CSMD3: variants seen among roughly 807,000 people sequenced by gnomAD.
CSMD3 encodes CUB and Sushi multiple domains 3.
A neutral mutation model predicts 435.2 loss-of-function variants in CSMD3; 177 were observed. The ratio of observed to expected loss-of-function variants is 0.41; its 90% CI spans 0.36 to 0.46. The LOEUF (loss-of-function observed/expected upper bound fraction) is 0.46. CSMD3 is among the 20% of genes least tolerant of loss of function. CSMD3 has a pLI of 0.34. For synonymous variants in CSMD3, 1,656 were observed against 1,520.5 expected (o/e 1.09, Z -2.07); for missense variants, 4,265 against 4,504.6 (o/e 0.95, Z 1.52).
At chr8:112,552,434 C>A (rs1003441560) in intron 26 of CSMD3, among the ~76,000 whole-genome samples, 160 bp downstream of exon 26, 1 of 151,936 alleles carries the variant, frequency 6.6e-6, no homozygotes, top group African/African-American at 2.4e-5. Flanking sequence ...TGCAGTGAGC[C>A]GAGATCGAGC....
chr8:112,252,844 A>G (rs776151256), intron 63 of CSMD3, among the ~76,000 whole-genome samples: 37 of 151,516 alleles, frequency 2.4e-4, no homozygotes, highest in Non-Finnish European at 4.1e-4. Context: ...TAGTCTATTT[A>G]TATTTATTCA....
chr8:113,345,224 C>T (rs2094144365), intron 1 of CSMD3, among the ~76,000 whole-genome samples: 1 of 152,046 alleles, frequency 6.6e-6, no homozygotes, highest in Non-Finnish European at 1.5e-5. Context: ...TTTAATATTA[C>T]ATTCAAGAGA....
intron 3 of CSMD3, among the ~76,000 whole-genome samples, chr8:113,267,602 G>A (rs1377978859): frequency 6.6e-6 from 1 of 151,484 alleles, no homozygotes. Flanking sequence ...GGGTGAATGG[G>A]GAAGAAGGGG....
intron 18 of CSMD3, among the ~76,000 whole-genome samples, chr8:112,654,962 A>T (rs971452092): frequency 1.4e-4 from 21 of 152,198 alleles, no homozygotes; most frequent in African/African-American, 5.1e-4. Flanking sequence ...AATATCAGTT[A>T]AGGCACTTTA....
intron 10 of CSMD3, among the ~76,000 whole-genome samples, chr8:112,902,316 G>A (rs1486470228): frequency 6.6e-6 from 1 of 151,140 alleles, no homozygotes; most frequent in Non-Finnish European, 1.5e-5. Flanking sequence ...TCAAAGGGTA[G>A]GTCAACTTGG....
intron 35 of CSMD3, among the ~76,000 whole-genome samples, chr8:112,401,716 T>C (rs1340649953): frequency 1.3e-5 from 2 of 152,144 alleles, no homozygotes; most frequent in Non-Finnish European, 2.9e-5. Context: ...AATAAAGATT[T>C]ACTAGTATTT....
intron 9 of CSMD3, among the ~76,000 whole-genome samples, chr8:112,924,715 G>A (rs2082857866): frequency 6.6e-6 from 1 of 151,904 alleles, no homozygotes; most frequent in South Asian, 2.1e-4. Context: ...TTCCCCTACA[G>A]ATTAGCCATC....
intron 10 of CSMD3, among the ~76,000 whole-genome samples, chr8:112,870,984 C>T (rs2081120308): frequency 6.6e-6 from 1 of 152,112 alleles, no homozygotes; most frequent in African/African-American, 2.4e-5. Flanking sequence ...CCAGTAATTT[C>T]GGAGTTTTTC....
At chr8:112,424,379 C>A (rs1455039685) in intron 32 of CSMD3, among the ~76,000 whole-genome samples, 1 of 152,108 alleles carries the variant, frequency 6.6e-6, no homozygotes, top group Non-Finnish European at 1.5e-5. Context: ...TTATCATTAT[C>A]AGTAAAAGAA....
At chr8:112,726,291 C>A (rs2076963037) in intron 13 of CSMD3, among the ~76,000 whole-genome samples, 1 of 151,870 alleles carries the variant, frequency 6.6e-6, no homozygotes, top group African/African-American at 2.4e-5. Context: ...TCTGAGCATG[C>A]AGACTGCTAC....
At chr8:112,954,793 A>G in intron 7 of CSMD3, 32 bp from the exon 8 acceptor site, 1 of 1,207,260 alleles carries the variant, frequency 8.3e-7, no homozygotes, top group Non-Finnish European at 1.2e-6. Context: ...AACATGTATC[A>G]GGAAATACAA....
At chr8:112,424,715 C>T (rs1016707405) in intron 32 of CSMD3, among the ~76,000 whole-genome samples, 3 of 151,858 alleles carry the variant, frequency 2.0e-5, no homozygotes, top group South Asian at 2.1e-4. Flanking sequence ...TTATTTGAGG[C>T]GGAGTCTCAC....
intron 57 of CSMD3, among the ~76,000 whole-genome samples, chr8:112,288,042 G>A (rs963683546): frequency 6.6e-6 from 1 of 151,852 alleles, no homozygotes; most frequent in African/African-American, 2.4e-5. Context: ...AAGAGAGAGA[G>A]AGAGAGAGAA....
chr8:113,329,554 C>T (rs984551833), intron 1 of CSMD3, among the ~76,000 whole-genome samples: 2 of 152,008 alleles, frequency 1.3e-5, no homozygotes, highest in African/African-American at 4.8e-5. Flanking sequence ...AGAGAAGATG[C>T]AAGAGGTGAG....
intron 32 of CSMD3, among the ~76,000 whole-genome samples, chr8:112,409,768 T>G (rs556820294): frequency 6.6e-6 from 1 of 151,970 alleles, no homozygotes. Context: ...AATTACATAC[T>G]AAACTTACAT....
intron 3 of CSMD3, among the ~76,000 whole-genome samples, chr8:113,214,356 T>C (rs2092876041): frequency 6.6e-6 from 1 of 151,982 alleles, no homozygotes; most frequent in Non-Finnish European, 1.5e-5. Context: ...ATATAGGTTA[T>C]TGGGTTCATT....
rs768771130 is a variant in CSMD3 at position 112,283,324 on chromosome 8, G to A, written c.9332-1974C>T. Among the ~76,000 whole-genome samples the A allele has an allele frequency of 1.3e-4, 19 of 151,846 alleles. No homozygotes were observed. The East Asian group carries it at 3.5e-3, about 28-fold the overall frequency. Reference sequence around the variant, plus strand: ...TATGTTTGCCTTTCTTTTGTTGCTAGAGAGAACTCTTATTTTAAAAATCAT... The same window carrying A: ...TATGTTTGCCTTTCTTTTGTTGCTAAAGAGAACTCTTATTTTAAAAATCAT... On this transcript the variant is annotated intron_variant, in intron 58 of 70. Transcript: ENST00000297405.
chr8:113,354,947 C>T lies in CSMD3; in HGVS notation c.179-40154G>A, dbSNP rs373265811. ...AGCCACCACGCCCAACCAACAGAGA[C>T]AAATGTTGATAGTCCCCATTTTACT... On this transcript the variant is annotated intron_variant, in intron 1 of 70. Transcript: ENST00000297405. 7.9e-5 allele frequency among the ~76,000 whole-genome samples: 12 copies of T among 152,180 alleles called. No individual in the cohort carries two copies. The South Asian group carries it at 1.2e-3, about 16-fold the overall frequency.
intron 11 of CSMD3, among the ~76,000 whole-genome samples, chr8:112,845,887 AT>A (rs1473330116): frequency 6.6e-6 from 1 of 152,000 alleles, no homozygotes; most frequent in African/African-American, 2.4e-5. Flanking sequence ...AAAATGAAAA[AT>A]GTTTGAATTA....
Sources: gnomAD v4.1 joint callset for allele counts (sites outside exome capture counted in the v4.1 genomes callset) on GRCh38, gnomAD v4.1.1 for gene constraint, MANE v1.5 for transcripts, NCBI Gene and HGNC (gene_info 2026-07-23, HGNC 2026-07-21) for gene names.